PGK1: variants seen among roughly 807,000 people sequenced by gnomAD.
The protein encoded by PGK1 is phosphoglycerate kinase 1.
PGK1 carries 3 observed loss-of-function variants against 26.9 expected under a neutral mutation model. The observed-to-expected ratio is 0.11, with a 90% CI of 0.05 to 0.29. PGK1 has a LOEUF of 0.29. Ranked by LOEUF, PGK1 falls within the 10% of genes least tolerant of loss-of-function variation. The pLI, the probability that PGK1 is intolerant of heterozygous loss-of-function variation, is 1.00. For synonymous variants in PGK1, 125 were observed against 115.3 expected (o/e 1.08, Z -0.54); for missense variants, 270 against 314.7 (o/e 0.86, Z 1.07).
chrX:78,104,790 T>G (rs1209965224), intron 1 of PGK1, among the ~76,000 whole-genome samples: 1 of 111,861 alleles, frequency 8.9e-6, no homozygotes, highest in African/African-American at 3.3e-5. Context: ...CATTTTACTT[T>G]CCCTTCCCCC....
Position 78,123,346 on chromosome X carries a change from T to C in PGK1, c.908T>C (p.Val303Ala). The C allele has an allele frequency of 8.3e-7, 1 of 1,210,118 alleles. No individual in the cohort carries two copies. The highest frequency in any genetic ancestry group is 1.1e-6 in the Non-Finnish European group (1 of 893,896). Reference sequence around the variant, plus strand: ...AATGCCAAGACTGGCCAAGCCACTGTGGCTTCTGGCATACCTGCTGGCTGG... The same window carrying C: ...AATGCCAAGACTGGCCAAGCCACTGCGGCTTCTGGCATACCTGCTGGCTGG... The part of the protein sequence containing the change: ...DENAKTGQAT[V>A]ASGIPAGWMG... The change falls in exon 8 of 11, where the codon GTG becomes GCG. Residue 303 changes from valine to alanine, a missense_variant. By Grantham distance (64) the Val-to-Ala change is moderately conservative (BLOSUM62 0). Around this residue, in one of 3 missense-constraint regions of PGK1, gnomAD observed 103 missense variants for 114.6 expected, o/e 0.90. Transcript: ENST00000373316.
intron 9 of PGK1, 133 bp from the exon 10 acceptor site, chrX:78,125,194 C>A: frequency 1.4e-6 from 1 of 726,386 alleles, no homozygotes; most frequent in Non-Finnish European, 2.1e-6. Context: ...ACAGAGGAGC[C>A]TCTTGGTAAG....
chrX:78,123,001 G>A (rs782409239), intron 7 of PGK1, 52 bp downstream of exon 7: 1 of 791,348 alleles, frequency 1.3e-6, no homozygotes, highest in Admixed American at 2.2e-5. Flanking sequence ...GATAATAGCA[G>A]GTTGTATAAA....
At position 78,127,304 on chromosome X, in the gene PGK1, A is replaced by G. The variant is rs1401610351; in HGVS notation, c.*1474A>G. ...CTGAGTATCACTTTTTGAGACTCGA[A>G]GCCACTGTTTCATTGTCACTATTGA... is the stretch of plus-strand genomic sequence containing the variant. On this transcript the variant is annotated 3_prime_UTR_variant, in exon 11 of 11. Transcript: ENST00000373316. 1 of 112,610 alleles carries G rather than the reference A, an allele frequency of 8.9e-6. No individual in the cohort carries two copies. Among genetic ancestry groups the G allele is most frequent in the Non-Finnish European group, 1.9e-5 (1 of 53,346 alleles). The allele number at this position is 112,610 out of a possible 1,213,427, so 9.3% of individuals were successfully genotyped here.
intron 2 of PGK1, among the ~76,000 whole-genome samples, chrX:78,110,453 C>T (rs1345644749): frequency 9.1e-6 from 1 of 110,176 alleles, no homozygotes; most frequent in Non-Finnish European, 1.9e-5. Flanking sequence ...AGCCCCCATA[C>T]CTGGCAGAGT....
In PGK1 at chrX:78,125,966, T is replaced by C; in HGVS notation, c.*136T>C. The C allele has an allele frequency of 1.7e-6, 1 of 575,802 alleles. No homozygotes were observed. Among genetic ancestry groups the C allele is most frequent in the Non-Finnish European group, 3.1e-6 (1 of 323,761 alleles). 47.5% of individuals were successfully genotyped at this position (575,802 alleles called of 1,213,427 possible). A position where few individuals can be genotyped will look rare whatever the true frequency, so the allele number is the denominator to read the frequency against. On this transcript the variant is annotated 3_prime_UTR_variant, in exon 11 of 11. Coordinates refer to ENST00000373316, the MANE Select transcript of PGK1 (RefSeq NM_000291.4). ...CAAGAGATGCAGTGCCAGGAACCCT[T>C]AAACAGTTGCACAGCATCTCAGCTC...
intron 1 of PGK1, among the ~76,000 whole-genome samples, chrX:78,109,459 C>G: frequency 9.0e-6 from 1 of 111,253 alleles, no homozygotes; most frequent in South Asian, 3.8e-4. Flanking sequence ...CAGGCCCAGA[C>G]AGATATCTTT....
intron 2 of PGK1, among the ~76,000 whole-genome samples, chrX:78,111,770 A>G (rs954113036): frequency 1.2e-4 from 14 of 112,150 alleles, no homozygotes; most frequent in African/African-American, 4.2e-4. Flanking sequence ...TTATTGTGCA[A>G]CACACAGAAA....
intron 6 of PGK1, among the ~76,000 whole-genome samples, chrX:78,118,930 G>C (rs1449659780): frequency 3.7e-4 from 41 of 111,697 alleles, no homozygotes; most frequent in Non-Finnish European, 5.6e-5. Context: ...AAGCCAGAGC[G>C]CAAGAAAGCT....
Position 78,122,831 on chromosome X carries a change from G to C in PGK1, c.642-4G>C. 1.8e-6 allele frequency: 2 copies of C among 1,097,278 alleles called. No individual in the cohort carries two copies. Among genetic ancestry groups the C allele is most frequent in the Non-Finnish European group, 2.5e-6 (2 of 792,590 alleles). 90.4% of individuals were successfully genotyped at this position (1,097,278 alleles called of 1,213,427 possible). A position where few individuals can be genotyped will look rare whatever the true frequency, so the allele number is the denominator to read the frequency against. On this transcript the variant is annotated splice_region_variant and splice_polypyrimidine_tract_variant and intron_variant, in intron 6 of 10. Coordinates refer to ENST00000373316, the MANE Select transcript of PGK1 (RefSeq NM_000291.4). ...TAAGTGATGATTCTTGCTTTCTCTT[G>C]TAGAGCTAAAGTTGCAGACAAGATC... is the stretch of plus-strand genomic sequence containing the variant.
chrX:78,123,331 C>T lies in PGK1; in HGVS notation c.893C>T (p.Thr298Ile). The T allele has an allele frequency of 8.3e-7, 1 of 1,209,511 alleles. No homozygotes were observed. Among genetic ancestry groups the T allele is most frequent in the Non-Finnish European group, 1.1e-6 (1 of 893,900 alleles). Residue 298 changes from threonine to isoleucine, a missense_variant, in exon 8 of 11, where the codon ACT (threonine) becomes ATT (isoleucine). Thr to Ile is a moderately conservative substitution (Grantham distance 89, BLOSUM62 -1). Transcript: ENST00000373316. ...TADKFDENAK[T>I]GQATVASGIP... The stretch of plus-strand genomic sequence containing the variant: ...GACAAGTTTGATGAGAATGCCAAGA[C>T]TGGCCAAGCCACTGTGGCTTCTGGC...
At chrX:78,111,526 G>A (rs2078301217) in intron 2 of PGK1, among the ~76,000 whole-genome samples, 1 of 88,816 alleles carries the variant, frequency 1.1e-5, no homozygotes, top group African/African-American at 5.8e-5. Flanking sequence ...AAGTCTTCAA[G>A]ATCTGGCATG....
Position 78,113,810 on chromosome X carries a change from G to A in PGK1, c.183G>A (p.Met61Ile), listed in dbSNP as rs11541568. The A allele has an allele frequency of 2.6e-5, 31 of 1,206,481 alleles. No homozygotes were observed. Among genetic ancestry groups the A allele is most frequent in the African/African-American group, 7.0e-5 (4 of 57,051 alleles). The change falls in exon 3 of 11, where the codon ATG (methionine) becomes ATA (isoleucine). Residue 61 changes from methionine to isoleucine, a missense_variant. Transcript: ENST00000373316. ...LDNGAKSVVL[M>I]SHLGRPDGVP... ...ATGGAGCCAAGTCGGTAGTCCTTAT[G>A]AGCCACCTAGGCCGGCCTGATGGTG...
intron 2 of PGK1, among the ~76,000 whole-genome samples, chrX:78,111,299 G>A (rs781895818): frequency 6.3e-5 from 7 of 111,206 alleles, no homozygotes; most frequent in Admixed American, 1.9e-4. Flanking sequence ...TTTTGCCCAA[G>A]CTGGCCTTGA....
chrX:78,126,493 C>T lies in PGK1; in HGVS notation c.*663C>T, dbSNP rs921856853. 9.0e-5 allele frequency: 10 copies of T among 111,689 alleles called. No individual in the cohort carries two copies. The highest frequency in any genetic ancestry group is 3.3e-4 in the African/African-American group (10 of 30,592). 9.2% of individuals were successfully genotyped at this position (111,689 alleles called of 1,213,427 possible). ...TTTATTTTTATCAGTTACACATGAT[C>T]ATAATTTAAAAAGTCAAGGCTTATA... is the stretch of plus-strand genomic sequence containing the variant. On this transcript the variant is annotated 3_prime_UTR_variant, in exon 11 of 11. Transcript: ENST00000373316.
chrX:78,113,840 C>T lies in PGK1; in HGVS notation c.213C>T (p.Pro71=). ...MSHLGRPDGV[P]MPDKYSLEPV... Reference sequence around the variant, plus strand: ...ACCTAGGCCGGCCTGATGGTGTGCCCATGCCTGACAAGTACTCCTTAGAGC... The same window carrying T: ...ACCTAGGCCGGCCTGATGGTGTGCCTATGCCTGACAAGTACTCCTTAGAGC... Residue 71 remains proline (P), a synonymous_variant, in exon 3 of 11, where the codon CCC becomes CCT. Transcript: ENST00000373316. The T allele has an allele frequency of 8.3e-7, 1 of 1,210,632 alleles. No homozygotes were observed. The highest frequency in any genetic ancestry group is 1.8e-5 in the South Asian group (1 of 56,948).
intron 2 of PGK1, among the ~76,000 whole-genome samples, chrX:78,112,285 T>G (rs2078305403): frequency 8.9e-6 from 1 of 112,175 alleles, no homozygotes; most frequent in Non-Finnish European, 1.9e-5. Flanking sequence ...GAACAGAGAG[T>G]TTTTAAAAAA....
At chrX:78,114,953 C>T (rs1414914654) in intron 4 of PGK1, among the ~76,000 whole-genome samples, 3 of 112,179 alleles carry the variant, frequency 2.7e-5, no homozygotes, top group African/African-American at 9.7e-5. Context: ...CTATTCTGGT[C>T]TTTAGTATCT....
At chrX:78,122,091 G>C (rs781990098) in intron 6 of PGK1, among the ~76,000 whole-genome samples, 1 of 110,663 alleles carries the variant, frequency 9.0e-6, no homozygotes, top group East Asian at 2.8e-4. Flanking sequence ...GCCTGTGGTC[G>C]CAGCTACTTG....
Sources: allele counts gnomAD v4.1 joint callset (sites outside exome capture counted in the v4.1 genomes callset), GRCh38; gene constraint gnomAD v4.1.1; regional missense constraint gnomAD v4.1.1; transcripts MANE v1.5; gene names NCBI Gene and HGNC (gene_info 2026-07-23, HGNC 2026-07-21).